Variants in DNAH7 observed in about 807,000 individuals in gnomAD.
DNAH7 encodes axonemal beta dynein heavy chain 7.
Under a neutral mutation model 444.6 loss-of-function variants are expected in DNAH7, and 397 were observed. The observed-to-expected ratio is 0.89, with a 90% CI of 0.82 to 0.97. DNAH7 has a LOEUF of 0.97. Among genes scored for constraint, DNAH7 ranks in the 50% least tolerant of loss-of-function variants. The pLI is 0.00. For missense variants in DNAH7, 4,902 were observed against 4,800.8 expected (o/e 1.02, Z -0.62); for synonymous variants, 1,636 against 1,624.4 (o/e 1.01, Z -0.17).
At chr2:195,802,450 A>G (rs1015387119) in intron 54 of DNAH7, among the ~76,000 whole-genome samples, 2 of 152,204 alleles carry the variant, frequency 1.3e-5, no homozygotes, top group African/African-American at 4.8e-5. Context: ...CAATGAGTCG[A>G]GATTATGCCA....
intron 38 of DNAH7, among the ~76,000 whole-genome samples, chr2:195,875,010 T>C (rs879572439): frequency 6.6e-5 from 10 of 151,878 alleles, no homozygotes; most frequent in Non-Finnish European, 8.8e-5. Flanking sequence ...TTGAAGAAAA[T>C]AGTCAGGAAG....
At position 195,858,519 on chromosome 2, in the gene DNAH7, T is replaced by C. The variant is rs201334510; in HGVS notation, c.8022A>G (p.Pro2674=). ...ECDADLAGAL[P]ILESALAALD... is the part of the protein sequence containing the mutation. ...GGGCGGCCAGTGCTGACTCTAATAT[T>C]GGCAAGGCACCTGCCAGGTCAGCAT... Residue 2674 remains proline (P), a synonymous_variant, in exon 43 of 65, where the codon CCA becomes CCG. Coordinates refer to ENST00000312428, the MANE Select transcript of DNAH7 (RefSeq NM_018897.3). 3.7e-6 allele frequency: 6 copies of C among 1,613,168 alleles called. No individual in the cohort carries two copies. In the South Asian group the frequency reaches 4.4e-5, roughly 12 times the overall value.
At chr2:195,891,000 G>T (rs143865138) in intron 31 of DNAH7, among the ~76,000 whole-genome samples, 1 of 152,292 alleles carries the variant, frequency 6.6e-6, no homozygotes, top group African/African-American at 2.4e-5. Flanking sequence ...CACATGCTCT[G>T]CAGAACCTGC....
Position 195,754,450 on chromosome 2 carries a change from A to G in DNAH7, c.11651T>C (p.Phe3884Ser), listed in dbSNP as rs1332496675. The change falls in exon 63 of 65, where the codon TTC becomes TCC. Residue 3884 changes from phenylalanine (F) to serine (S), a missense_variant. By Grantham distance (155) the Phe-to-Ser change is radical (BLOSUM62 -2). Transcript: ENST00000312428. The part of the protein sequence containing the change: ...WLSGFFFTQA[F>S]LTGAQQNYAR... ...GTAGTTCTGCTGGGCACCGGTCAGG[A>G]AGGCTTGTGTGAAGAAGAAGCCAGA... 4.3e-6 allele frequency: 7 copies of G among 1,614,024 alleles called. No homozygotes were observed. Among genetic ancestry groups the G allele is most frequent in the Non-Finnish European group, 5.9e-6 (7 of 1,180,000 alleles).
chr2:195,852,302 A>G (rs1454137728), intron 46 of DNAH7, among the ~76,000 whole-genome samples: 3 of 152,024 alleles, frequency 2.0e-5, no homozygotes, highest in Non-Finnish European at 2.9e-5. Flanking sequence ...CACCACCAAG[A>G]GTCAACCCTC....
chr2:195,786,969 G>C, intron 58 of DNAH7, 41 bp downstream of exon 58: 1 of 1,516,750 alleles, frequency 6.6e-7, no homozygotes, highest in Admixed American at 2.3e-5. Flanking sequence ...ACATGATAAA[G>C]AGCAACATAG....
In DNAH7 at chr2:195,892,716, T is replaced by C. The variant is rs1322055809; in HGVS notation, c.4897-912A>G. On this transcript the variant is annotated intron_variant, in intron 30 of 64. Coordinates refer to ENST00000312428, the MANE Select transcript of DNAH7 (RefSeq NM_018897.3). ...TCACTCTTTGTGTTGCATAATTATA[T>C]GGGTTTTGCCAAGTGTGTAGTATCA... 2.6e-5 allele frequency: 4 copies of C among 152,152 alleles called. No individual in the cohort carries two copies. In the East Asian group the frequency reaches 5.8e-4, roughly 22 times the overall value. 9.4% of individuals were successfully genotyped at this position (152,152 alleles called of 1,614,324 possible). A position where few individuals can be genotyped will look rare whatever the true frequency, so the allele number is the denominator to read the frequency against.
At chr2:195,844,890 T>C (rs1423303244) in intron 47 of DNAH7, 112 bp downstream of exon 47, 1 of 861,100 alleles carries the variant, frequency 1.2e-6, no homozygotes, top group Non-Finnish European at 1.7e-6. Context: ...CACTAATTAG[T>C]TAAGTAATTT....
intron 61 of DNAH7, among the ~76,000 whole-genome samples, chr2:195,759,087 C>T (rs1694219903): frequency 1.3e-5 from 2 of 152,178 alleles, no homozygotes; most frequent in African/African-American, 4.8e-5. Flanking sequence ...TGCACCACCC[C>T]TCCCCCAATC....
intron 24 of DNAH7, among the ~76,000 whole-genome samples, chr2:195,915,852 A>G (rs1687642303): frequency 6.6e-6 from 1 of 152,240 alleles, no homozygotes; most frequent in African/African-American, 2.4e-5. Context: ...AAGCTAGGCT[A>G]CATTCTTCAA....
intron 5 of DNAH7, among the ~76,000 whole-genome samples, chr2:196,032,334 C>A (rs1316645070): frequency 2.0e-5 from 3 of 152,034 alleles, no homozygotes; most frequent in Admixed American, 6.6e-5. Context: ...CAGAGCCAAA[C>A]CATAAAAGAG....
intron 57 of DNAH7, among the ~76,000 whole-genome samples, chr2:195,788,371 C>G (rs865936579): frequency 6.6e-6 from 1 of 152,164 alleles, no homozygotes; most frequent in Non-Finnish European, 1.5e-5. Context: ...GAAGTGGAAA[C>G]CTAGATTTTG....
intron 21 of DNAH7, among the ~76,000 whole-genome samples, chr2:195,932,779 G>A (rs1340876069): frequency 6.6e-6 from 1 of 152,116 alleles, no homozygotes; most frequent in Non-Finnish European, 1.5e-5. Context: ...CCACTTGATT[G>A]TGGTGGATAA....
intron 19 of DNAH7, among the ~76,000 whole-genome samples, chr2:195,955,909 A>T (rs1415009347): frequency 1.3e-5 from 2 of 152,130 alleles, no homozygotes; most frequent in Non-Finnish European, 2.9e-5. Context: ...TTTATGACAT[A>T]AATTAATTAG....
intron 14 of DNAH7, among the ~76,000 whole-genome samples, chr2:195,986,335 TG>T (rs1257675599): frequency 6.6e-6 from 1 of 152,194 alleles, no homozygotes; most frequent in Non-Finnish European, 1.5e-5. Context: ...GCCTAACACA[TG>T]GTAGGTAAAT....
chr2:195,960,619 G>C lies in DNAH7; in HGVS notation c.2532C>G (p.Ile844Met). The C allele has an allele frequency of 1.2e-6, 2 of 1,614,230 alleles. No individual in the cohort carries two copies. Among genetic ancestry groups the C allele is most frequent in the Middle Eastern group, 1.6e-4 (1 of 6,062 alleles). The change falls in exon 18 of 65, where the codon ATC becomes ATG. Residue 844 changes from isoleucine to methionine, a missense_variant. Ile to Met is a conservative substitution (Grantham distance 10). Coordinates refer to ENST00000312428, the MANE Select transcript of DNAH7 (RefSeq NM_018897.3). ...GCCTGGGGCGCAAACCAGGATTACA[G>C]ATCACTTGAATGAGAGGAATGTGCT... ...FKQHIPLIQV[I>M]CNPGLRPRHW...
At chr2:196,067,992 T>C (rs1425350401) in intron 1 of DNAH7, among the ~76,000 whole-genome samples, 1 of 152,096 alleles carries the variant, frequency 6.6e-6, no homozygotes, top group Non-Finnish European at 1.5e-5. Flanking sequence ...TGTTAGTTGC[T>C]CTTAAGTTCA....
At chr2:195,977,975 C>T (rs1477323760) in intron 15 of DNAH7, among the ~76,000 whole-genome samples, 1 of 152,162 alleles carries the variant, frequency 6.6e-6, no homozygotes, top group Non-Finnish European at 1.5e-5. Context: ...AACACCAGAC[C>T]TGTCCTACAG....
chr2:196,029,963 A>AT (rs563857502), intron 5 of DNAH7, among the ~76,000 whole-genome samples: 1 of 152,240 alleles, frequency 6.6e-6, no homozygotes, highest in Non-Finnish European at 1.5e-5. Flanking sequence ...TAGTGAAATA[A>AT]TTTTAACCCA....
Sources: allele counts gnomAD v4.1 joint callset (sites outside exome capture counted in the v4.1 genomes callset), GRCh38; gene constraint gnomAD v4.1.1; transcripts MANE v1.5; gene names NCBI Gene and HGNC (gene_info 2026-07-23, HGNC 2026-07-21).